Variants in PAPPA2 observed in about 807,000 individuals in gnomAD.
The protein encoded by PAPPA2 is pappalysin-2.
A neutral mutation model predicts 176.4 loss-of-function variants in PAPPA2; 86 were observed. The ratio of observed to expected loss-of-function variants is 0.49; its 90% confidence interval spans 0.41 to 0.58. PAPPA2 has a LOEUF of 0.58. Ranked by LOEUF, PAPPA2 falls within the 20% of genes least tolerant of loss-of-function variation. PAPPA2 has a pLI of 0.00. For missense variants in PAPPA2, 2,073 were observed against 2,256.9 expected (o/e 0.92, Z 1.65); for synonymous variants, 809 against 852.2 (o/e 0.95, Z 0.88).
At chr1:176,554,199 G>A (rs1031298879) in intron 1 of PAPPA2, among the ~76,000 whole-genome samples, 1 of 152,304 alleles carries the variant, frequency 6.6e-6, no homozygotes, top group East Asian at 1.9e-4. Flanking sequence ...CTTAGCTGGG[G>A]TAGAGGAGTT....
At chr1:176,576,732 T>C (rs1032768498) in intron 2 of PAPPA2, among the ~76,000 whole-genome samples, 1 of 152,196 alleles carries the variant, frequency 6.6e-6, no homozygotes, top group South Asian at 2.1e-4. Context: ...GAATTTCAGG[T>C]GCCGTTTGAG....
chr1:176,580,854 C>T (rs1464333599), intron 2 of PAPPA2, among the ~76,000 whole-genome samples: 3 of 150,864 alleles, frequency 2.0e-5, no homozygotes, highest in Admixed American at 2.0e-4. Context: ...GAAATGTTTG[C>T]ATTTTTTGCA....
At position 176,711,894 on chromosome 1, in the gene PAPPA2, CTG is replaced by C; in HGVS notation, c.3715_3716del (p.Val1239CysfsTer3). 2 of 1,613,466 alleles carry C rather than the reference CTG, an allele frequency of 1.2e-6. No homozygotes were observed. The highest frequency in any genetic ancestry group is 1.7e-6 in the Non-Finnish European group (2 of 1,179,484). ...ACCGTCCCCTAACTGGCTGGTTTCCCTGTGTTGCCAGTGAAAATGAAACTCAG... is the reference window on the plus strand; with the variant it reads ...ACCGTCCCCTAACTGGCTGGTTTCCCTGTTGCCAGTGAAAATGAAACTCAG... ...NHRPLTGWFP[C>X]VASENETQDD... On this transcript the variant is annotated frameshift_variant, in exon 12 of 23. Coordinates refer to ENST00000367662, the MANE Select transcript of PAPPA2 (RefSeq NM_020318.3). LOFTEE classifies it high-confidence loss of function.
intron 1 of PAPPA2, among the ~76,000 whole-genome samples, chr1:176,500,975 A>G (rs998726423): frequency 5.3e-5 from 8 of 151,822 alleles, no homozygotes; most frequent in Non-Finnish European, 1.2e-4. Flanking sequence ...TTAACTGCGT[A>G]CTGTCAACCT....
chr1:176,537,847 C>T (rs1650151457), intron 1 of PAPPA2, among the ~76,000 whole-genome samples: 1 of 151,916 alleles, frequency 6.6e-6, no homozygotes, highest in Non-Finnish European at 1.5e-5. Flanking sequence ...GCCTTTTACC[C>T]TCTTGGCTAC....
At chr1:176,577,715 G>T (rs1378295650) in intron 2 of PAPPA2, among the ~76,000 whole-genome samples, 1 of 151,892 alleles carries the variant, frequency 6.6e-6, no homozygotes, top group Non-Finnish European at 1.5e-5. Context: ...TCTCTGGGGG[G>T]TCGGGGTGTT....
chr1:176,730,352 T>C (rs1374271431), intron 12 of PAPPA2, among the ~76,000 whole-genome samples: 1 of 151,980 alleles, frequency 6.6e-6, no homozygotes, highest in African/African-American at 2.4e-5. Context: ...TTTTGTTATT[T>C]CCAGAAATTT....
intron 21 of PAPPA2, among the ~76,000 whole-genome samples, chr1:176,809,052 T>G (rs1274983638): frequency 6.6e-6 from 1 of 152,216 alleles, no homozygotes; most frequent in Non-Finnish European, 1.5e-5. Context: ...AGGGAGGTGT[T>G]GAAAAGGCAT....
intron 3 of PAPPA2, among the ~76,000 whole-genome samples, chr1:176,668,898 C>T (rs192464625): frequency 6.4e-4 from 97 of 152,084 alleles, no homozygotes; most frequent in African/African-American, 2.2e-3. Flanking sequence ...GTAATTTATG[C>T]GTGGAGAGAA....
chr1:176,769,282 G>C (rs1449851357), intron 15 of PAPPA2, among the ~76,000 whole-genome samples: 2 of 152,182 alleles, frequency 1.3e-5, no homozygotes, highest in Non-Finnish European at 2.9e-5. Context: ...ACCCACTGGA[G>C]TCAGTTTCCC....
intron 3 of PAPPA2, among the ~76,000 whole-genome samples, chr1:176,644,466 C>G (rs898885393): frequency 6.6e-6 from 1 of 151,730 alleles, no homozygotes; most frequent in African/African-American, 2.4e-5. Context: ...AAAGGAGTTA[C>G]GTATGGATAA....
chr1:176,561,243 A>G (rs1651650594), intron 2 of PAPPA2, among the ~76,000 whole-genome samples: 1 of 152,248 alleles, frequency 6.6e-6, no homozygotes, highest in African/African-American at 2.4e-5. Flanking sequence ...AAAATGAAAA[A>G]AGCTCCAAAA....
At chr1:176,814,036 A>C (rs1198334244) in intron 21 of PAPPA2, among the ~76,000 whole-genome samples, 1 of 152,208 alleles carries the variant, frequency 6.6e-6, no homozygotes, top group East Asian at 1.9e-4. Context: ...TTTTTTAAAA[A>C]GGGAATCCAT....
intron 3 of PAPPA2, among the ~76,000 whole-genome samples, chr1:176,630,550 T>C (rs941990176): frequency 6.6e-6 from 1 of 152,080 alleles, no homozygotes; most frequent in Admixed American, 6.5e-5. Context: ...TGTAGAAGTA[T>C]GGAGAATGGG....
Position 176,623,770 on chromosome 1 carries a change from T to C in PAPPA2, c.1991+28175T>C, listed in dbSNP as rs555474936. On this transcript the variant is annotated intron_variant, in intron 3 of 22. Coordinates refer to ENST00000367662, the MANE Select transcript of PAPPA2 (RefSeq NM_020318.3). ...TCTTTCCTTCCTTCCTTTCTTTCTT[T>C]CTTTCTTTCTTTCTTTCTTTCTTTC... Among the ~76,000 whole-genome samples the C allele has an allele frequency of 1.8e-4, 20 of 110,512 alleles. 1 individual carries two copies. The highest frequency in any genetic ancestry group is 8.6e-3 in the Middle Eastern group (2 of 232). 72.5% of individuals were successfully genotyped at this position (110,512 alleles called of 152,430 possible). A position where few individuals can be genotyped will look rare whatever the true frequency, so the allele number is the denominator to read the frequency against.
At chr1:176,679,886 A>G (rs148502803) in intron 4 of PAPPA2, among the ~76,000 whole-genome samples, 125 of 152,336 alleles carry the variant, frequency 8.2e-4, no homozygotes, top group African/African-American at 2.9e-3. Context: ...GAGTAAAGCA[A>G]TTCCTATGGC....
At chr1:176,778,099 G>A (rs868670049) in intron 17 of PAPPA2, among the ~76,000 whole-genome samples, 1 of 149,178 alleles carries the variant, frequency 6.7e-6, no homozygotes, top group African/African-American at 2.5e-5. Context: ...GGCATTCGAG[G>A]TCAGAGGTAC....
chr1:176,770,763 T>C (rs1664189187), intron 16 of PAPPA2, among the ~76,000 whole-genome samples: 1 of 152,362 alleles, frequency 6.6e-6, no homozygotes, highest in South Asian at 2.1e-4. Flanking sequence ...CTCTGTTTTA[T>C]GTAAGAGCAT....
chr1:176,827,050 C>T (rs1666886078), intron 21 of PAPPA2, among the ~76,000 whole-genome samples: 1 of 152,220 alleles, frequency 6.6e-6, no homozygotes, highest in African/African-American at 2.4e-5. Flanking sequence ...TGGTCTTCTG[C>T]CCATATATGA....
Sources: gnomAD v4.1 joint callset for allele counts (sites outside exome capture counted in the v4.1 genomes callset) on GRCh38, gnomAD v4.1.1 for gene constraint, MANE v1.5 for transcripts, NCBI Gene and HGNC (gene_info 2026-07-23, HGNC 2026-07-21) for gene names.